The following DNMT1 variants were observed in gnomAD, a reference collection of about 807,000 sequenced individuals.
DNMT1 encodes DNA (cytosine-5)-methyltransferase 1.
In DNMT1, 24 loss-of-function variants were observed where a neutral mutation model predicts 205.3. The ratio of observed to expected loss-of-function variants is 0.12; its 90% CI spans 0.08 to 0.16. The LOEUF (loss-of-function observed/expected upper bound fraction) is 0.16, where lower values mean the gene tolerates loss of function less well. Among genes scored for constraint, DNMT1 ranks in the 10% least tolerant of loss-of-function variants. The pLI is 1.00. For synonymous variants in DNMT1, 817 were observed against 839.8 expected (o/e 0.97, Z 0.47); for missense variants, 1,293 against 2,177.7 (o/e 0.59, Z 8.09).
At chr19:10,183,120 TATATA>T (rs1362926666) in intron 1 of DNMT1, among the ~76,000 whole-genome samples, 1 of 128,368 alleles carries the variant, frequency 7.8e-6, no homozygotes, top group East Asian at 3.3e-4. Context: ...TGTATATATA[TATATA>T]TTTTTTTTTT....
chr19:10,192,196 G>A (rs140322333), intron 1 of DNMT1, among the ~76,000 whole-genome samples: 1 of 152,126 alleles, frequency 6.6e-6, no homozygotes, highest in African/African-American at 2.4e-5. Context: ...TAAGGCAGGA[G>A]GATTGCTTGA....
At chr19:10,178,962 T>C (rs1476439207) in intron 5 of DNMT1, among the ~76,000 whole-genome samples, 1 of 149,594 alleles carries the variant, frequency 6.7e-6, no homozygotes, top group Admixed American at 6.7e-5. Context: ...CCGTCTCTAC[T>C]AAAAAATACA....
At chr19:10,139,893 C>T in intron 33 of DNMT1, 76 bp from the exon 34 acceptor site, 2 of 1,561,570 alleles carry the variant, frequency 1.3e-6, no homozygotes, top group African/African-American at 1.4e-5. Context: ...GCCGGAAGCC[C>T]CTCACGAATG....
In DNMT1 at chr19:10,138,639, A is replaced by C; in HGVS notation, c.3949-34T>G. 1.9e-6 allele frequency: 3 copies of C among 1,591,742 alleles called. No individual in the cohort carries two copies. In the South Asian group the frequency reaches 3.3e-5, roughly 18 times the overall value. The stretch of plus-strand genomic sequence containing the variant: ...GAGAAGGACGGACAACCCCACCGTC[A>C]GTGGGACACTCCCAACTGGACTGGC... On this transcript the variant is annotated intron_variant, in intron 34 of 40. Coordinates refer to ENST00000359526, the MANE Select transcript of DNMT1 (RefSeq NM_001130823.3). The surrounding 1 kb of genome is among the most constrained non-coding windows in gnomAD (Gnocchi z 4.1).
At chr19:10,164,764 C>T (rs1388512068) in intron 11 of DNMT1, among the ~76,000 whole-genome samples, 1 of 151,208 alleles carries the variant, frequency 6.6e-6, no homozygotes, top group Non-Finnish European at 1.5e-5. Context: ...CCTGTCTCTA[C>T]TAAAAATATA....
Position 10,159,540 on chromosome 19 carries a change from G to A in DNMT1, c.1280+118C>T, listed in dbSNP as rs533953908. The A allele has an allele frequency of 1.8e-4, 188 of 1,064,040 alleles. 4 individuals carry two copies. In the South Asian group the frequency reaches 2.4e-3, roughly 14 times the overall value. The allele number at this position is 1,064,040 out of a possible 1,614,324, so 65.9% of individuals were successfully genotyped here. ...GGTGGCTCTTATCCACGAAGTGTTA[G>A]CTTAAGACATGTTGCAGGTCAGGCA... is the stretch of plus-strand genomic sequence containing the variant. On this transcript the variant is annotated intron_variant, in intron 17 of 40. Transcript: ENST00000359526. The surrounding 1 kb of genome is among the most constrained non-coding windows in gnomAD (Gnocchi z 5.0).
chr19:10,152,270 T>TA (rs372986537), intron 22 of DNMT1, among the ~76,000 whole-genome samples: 1,420 of 97,708 alleles, frequency 0.015, 19 homozygotes, highest in South Asian at 0.024. Flanking sequence ...CTCAAAAAAT[T>TA]AAAAAAAAAA....
chr19:10,141,331 T>G, intron 30 of DNMT1, 142 bp from the exon 31 acceptor site: 1 of 782,316 alleles, frequency 1.3e-6, no homozygotes, highest in Non-Finnish European at 2.2e-6. Flanking sequence ...TAAGAGTAGT[T>G]TGACTTTGCT....
At chr19:10,180,918 C>T in intron 2 of DNMT1, 33 bp from the exon 3 acceptor site, 1 of 1,573,302 alleles carries the variant, frequency 6.4e-7, no homozygotes, top group Non-Finnish European at 8.7e-7. Flanking sequence ...GCAGTACCCA[C>T]ATTCCCAAGC....
At chr19:10,167,151 C>T (rs1479463793) in intron 10 of DNMT1, among the ~76,000 whole-genome samples, 2 of 152,110 alleles carry the variant, frequency 1.3e-5, no homozygotes, top group African/African-American at 4.8e-5. Context: ...TGGATTCAGG[C>T]TCAGTCTCAA....
chr19:10,194,655 C>T, intron 1 of DNMT1, 165 bp downstream of exon 1: 4 of 956,044 alleles, frequency 4.2e-6, no homozygotes, highest in African/African-American at 1.8e-5. Context: ...CACGCGCGAC[C>T]GGAAGTGCCA....
intron 1 of DNMT1, among the ~76,000 whole-genome samples, chr19:10,186,580 T>C (rs1035671684): frequency 6.6e-6 from 1 of 152,078 alleles, no homozygotes; most frequent in Non-Finnish European, 1.5e-5. Flanking sequence ...GGCTCATGCC[T>C]GTAATCCCAG....
intron 1 of DNMT1, among the ~76,000 whole-genome samples, chr19:10,190,399 G>A (rs1450527392): frequency 6.6e-6 from 1 of 152,078 alleles, no homozygotes; most frequent in African/African-American, 2.4e-5. Context: ...CACCATGCGG[G>A]ATACACCGAC....
chr19:10,172,965 G>T (rs556562372), intron 9 of DNMT1, 125 bp downstream of exon 9: 10 of 1,103,810 alleles, frequency 9.1e-6, no homozygotes, highest in Non-Finnish European at 1.4e-5. Flanking sequence ...AAGGCATTTC[G>T]ATCACTAGCA....
At chr19:10,152,650 A>G (rs1460236230) in intron 22 of DNMT1, among the ~76,000 whole-genome samples, 1 of 151,838 alleles carries the variant, frequency 6.6e-6, no homozygotes, top group African/African-American at 2.4e-5. Context: ...GGTCCCAGCT[A>G]CTTGGGAGGC....
intron 14 of DNMT1, 37 bp downstream of exon 14, chr19:10,160,347 C>G (rs777465700): frequency 7.1e-5 from 114 of 1,613,456 alleles, no homozygotes; most frequent in Non-Finnish European, 9.4e-5. Context: ...TTTAACATTA[C>G]CATCTGCTTT....
intron 5 of DNMT1, 106 bp downstream of exon 5, chr19:10,180,081 A>C (rs535447709): frequency 6.6e-5 from 32 of 486,548 alleles, no homozygotes; most frequent in Non-Finnish European, 1.2e-4. Flanking sequence ...TGGGAGGCCA[A>C]GGCAGGTGGA....
At chr19:10,136,002 G>A (rs555535704) in intron 38 of DNMT1, 119 bp downstream of exon 38, 3 of 1,516,230 alleles carry the variant, frequency 2.0e-6, no homozygotes, top group African/African-American at 2.7e-5. Context: ...GGAGGCAGAG[G>A]CCAGGTGCCT....
chr19:10,142,039 A>G lies in DNMT1; in HGVS notation c.3298T>C (p.Tyr1100His). 6.2e-7 allele frequency: 1 copy of G among 1,612,596 alleles called. No individual in the cohort carries two copies. Among genetic ancestry groups the G allele is most frequent in the East Asian group, 2.2e-5 (1 of 44,808 alleles). The change falls in exon 30 of 41, where the codon TAC becomes CAC. Residue 1100 changes from tyrosine to histidine, a missense_variant. Tyr to His is a moderately conservative substitution (Grantham distance 83, BLOSUM62 2). Transcript: ENST00000359526. The part of the protein sequence containing the change: ...VYSMGGPNRF[Y>H]FLEAYNAKSK... ...AGCAGGGGCACCACCTCGAGGAAGT[A>G]GAAGCGGTTGGGGCCGCCCATGGAG...
Sources: gnomAD v4.1 joint callset for allele counts (sites outside exome capture counted in the v4.1 genomes callset) on GRCh38, gnomAD v4.1.1 for gene constraint, Gnocchi (gnomAD v3.1) non-coding constraint, MANE v1.5 for transcripts, NCBI Gene and HGNC (gene_info 2026-07-23, HGNC 2026-07-21) for gene names.